GPC6: variants seen among roughly 807,000 people sequenced by gnomAD.
The protein encoded by GPC6 is glypican-6.
GPC6 carries 14 observed loss-of-function variants against 55.2 expected under a neutral mutation model. The ratio of observed to expected loss-of-function variants is 0.25; its 90% CI spans 0.17 to 0.40. The LOEUF is 0.40. Among genes scored for constraint, GPC6 ranks in the 10% least tolerant of loss-of-function variants. The probability of loss-of-function intolerance (pLI) is 1.00; values close to 1 mark genes in which losing one functional copy is unlikely to be tolerated. For synonymous variants in GPC6, 278 were observed against 259.6 expected (o/e 1.07, Z -0.68); for missense variants, 641 against 708.5 (o/e 0.90, Z 1.08).
At chr13:94,173,474 G>A (rs955326435) in intron 4 of GPC6, among the ~76,000 whole-genome samples, 1 of 152,130 alleles carries the variant, frequency 6.6e-6, no homozygotes, top group African/African-American at 2.4e-5. Context: ...TGGTGACTTC[G>A]AGAATTCCTT....
chr13:94,276,572 C>G (rs1892214890), intron 4 of GPC6, among the ~76,000 whole-genome samples: 1 of 151,808 alleles, frequency 6.6e-6, no homozygotes, highest in Admixed American at 6.6e-5. Flanking sequence ...ACCTGTTGAC[C>G]CATCCTCTAA....
intron 4 of GPC6, among the ~76,000 whole-genome samples, chr13:94,236,909 A>G (rs1890896744): frequency 6.6e-6 from 1 of 151,462 alleles, no homozygotes; most frequent in Non-Finnish European, 1.5e-5. Flanking sequence ...TTCTCCTGAA[A>G]ATTTTGGGCA....
At chr13:93,894,526 T>C (rs1439268362) in intron 3 of GPC6, among the ~76,000 whole-genome samples, 4 of 152,172 alleles carry the variant, frequency 2.6e-5, no homozygotes, top group African/African-American at 9.7e-5. Flanking sequence ...AAAATAAATG[T>C]ATGCTATGTA....
At chr13:93,363,430 C>T in intron 1 of GPC6, among the ~76,000 whole-genome samples, 1 of 152,010 alleles carries the variant, frequency 6.6e-6, no homozygotes, top group Non-Finnish European at 1.5e-5. Context: ...TGATGATTTC[C>T]GATTTCATCC....
intron 2 of GPC6, among the ~76,000 whole-genome samples, chr13:93,669,130 A>G (rs1043274981): frequency 6.6e-6 from 1 of 152,202 alleles, no homozygotes; most frequent in Admixed American, 6.5e-5. Flanking sequence ...AGAAAGTCAT[A>G]CAAGTGTATT....
chr13:93,566,529 GT>G (rs35602582), intron 2 of GPC6, among the ~76,000 whole-genome samples: 88,817 of 145,380 alleles, frequency 0.61, 27,915 homozygotes, highest in East Asian at 0.7. Context: ...GTTGGAGAAA[GT>G]TTTTTTTTTT....
chr13:93,372,564 A>G (rs9589719), intron 1 of GPC6, among the ~76,000 whole-genome samples: 5,522 of 152,218 alleles, frequency 0.036, 334 homozygotes, highest in African/African-American at 0.12. Context: ...ATTCTTTCCA[A>G]TGCAAGTTAT....
At chr13:93,680,164 C>T (rs1019511006) in intron 2 of GPC6, among the ~76,000 whole-genome samples, 2 of 152,078 alleles carry the variant, frequency 1.3e-5, no homozygotes, top group South Asian at 4.1e-4. Context: ...GAGGTCGCCA[C>T]TGTGAGTCCT....
At chr13:93,479,896 C>T (rs1879450597) in intron 1 of GPC6, among the ~76,000 whole-genome samples, 1 of 152,078 alleles carries the variant, frequency 6.6e-6, no homozygotes, top group Non-Finnish European at 1.5e-5. Context: ...CAGCCCTGGC[C>T]ATATCTCTAT....
intron 2 of GPC6, among the ~76,000 whole-genome samples, chr13:93,613,642 T>G (rs1223545220): frequency 3.3e-5 from 5 of 152,126 alleles, no homozygotes; most frequent in Non-Finnish European, 7.4e-5. Context: ...GGCCACAGTC[T>G]TTTCATGTTC....
intron 3 of GPC6, among the ~76,000 whole-genome samples, chr13:93,959,889 C>G (rs1879688326): frequency 6.6e-6 from 1 of 152,196 alleles, no homozygotes; most frequent in African/African-American, 2.4e-5. Context: ...TAGTAAGTGT[C>G]AAAGCTGGGG....
At chr13:94,041,611 A>G (rs1008153510) in intron 4 of GPC6, among the ~76,000 whole-genome samples, 1 of 151,878 alleles carries the variant, frequency 6.6e-6, no homozygotes, top group African/African-American at 2.4e-5. Context: ...CTGAACATAC[A>G]CAATCTTTTC....
intron 4 of GPC6, among the ~76,000 whole-genome samples, chr13:94,075,850 T>A (rs1884893912): frequency 6.6e-6 from 1 of 152,126 alleles, no homozygotes; most frequent in Admixed American, 6.5e-5. Flanking sequence ...CTACATCTCT[T>A]TATCTATCCA....
At chr13:93,843,122 T>C (rs1384834860) in intron 3 of GPC6, among the ~76,000 whole-genome samples, 1 of 151,896 alleles carries the variant, frequency 6.6e-6, no homozygotes, top group Non-Finnish European at 1.5e-5. Flanking sequence ...AAAAATTTTC[T>C]TTTACAACCT....
intron 1 of GPC6, chr13:93,450,717 G>T (rs1878191965): frequency 2.1e-6 from 2 of 974,390 alleles, no homozygotes; most frequent in Non-Finnish European, 2.4e-6. Flanking sequence ...CCACTTTTTA[G>T]TGGCTGTATT....
intron 2 of GPC6, among the ~76,000 whole-genome samples, chr13:93,773,080 C>T (rs764408028): frequency 2.2e-4 from 34 of 151,926 alleles, no homozygotes; most frequent in Non-Finnish European, 4.9e-4. Flanking sequence ...GAAGGCACTT[C>T]TGTTAAGAAT....
chr13:93,432,621 CA>C (rs1306171994), intron 1 of GPC6, among the ~76,000 whole-genome samples: 9 of 152,030 alleles, frequency 5.9e-5, no homozygotes, highest in African/African-American at 2.2e-4. Context: ...ACTAATGCCC[CA>C]AAATACCTCC....
chr13:94,192,731 G>A (rs1889438647), intron 4 of GPC6, among the ~76,000 whole-genome samples: 1 of 152,184 alleles, frequency 6.6e-6, no homozygotes, highest in African/African-American at 2.4e-5. Flanking sequence ...CTGAGAGAAT[G>A]TGAAGGGCTG....
chr13:93,612,689 T>A (rs1229270379), intron 2 of GPC6, among the ~76,000 whole-genome samples: 3 of 152,186 alleles, frequency 2.0e-5, no homozygotes, highest in Non-Finnish European at 4.4e-5. Context: ...AAAACTGCAA[T>A]GAATATATAG....
Sources: gnomAD v4.1 joint callset for allele counts (sites outside exome capture counted in the v4.1 genomes callset) on GRCh38, gnomAD v4.1.1 for gene constraint, MANE v1.5 for transcripts, NCBI Gene and HGNC (gene_info 2026-07-23, HGNC 2026-07-21) for gene names.